The following CDH2 variants were observed in gnomAD, a reference collection of about 807,000 sequenced individuals.
CDH2 encodes cadherin 2.
CDH2 carries 17 observed loss-of-function variants against 92.0 expected under a neutral mutation model. The observed-to-expected ratio is 0.18, with a 90% CI of 0.13 to 0.28. CDH2 has a LOEUF of 0.28. CDH2 is among the 10% of genes least tolerant of loss of function. CDH2 has a pLI of 1.00. For missense variants in CDH2, 862 were observed against 1,133.1 expected, an observed-to-expected ratio of 0.76 and a Z score of 3.44; for synonymous variants, 419 against 415.9, an observed-to-expected ratio of 1.01 and a Z score of -0.09.
At chr18:28,175,670 C>T (rs1259274926) in intron 1 of CDH2, among the ~76,000 whole-genome samples, 1 of 152,314 alleles carries the variant, frequency 6.6e-6, no homozygotes, top group East Asian at 1.9e-4. Context: ...CCGTGAAGAC[C>T]ACGGAGCGGG....
chr18:27,957,417 T>G (rs980031525), intron 15 of CDH2, among the ~76,000 whole-genome samples: 2 of 96,026 alleles, frequency 2.1e-5, no homozygotes. Context: ...GCTCGGCTAA[T>G]TTTTGTTTTT....
intron 2 of CDH2, among the ~76,000 whole-genome samples, chr18:28,099,500 G>C (rs563059607): frequency 1.3e-5 from 2 of 152,032 alleles, no homozygotes; most frequent in African/African-American, 2.4e-5. Context: ...CTAACCAGTT[G>C]CAAGACTTCA....
intron 1 of CDH2, chr18:28,159,136 G>A (rs561351376): frequency 2.0e-5 from 3 of 152,320 alleles, no homozygotes; most frequent in Admixed American, 2.0e-4. Flanking sequence ...AAAGAGGGAT[G>A]GACCAAACTT....
intron 2 of CDH2, among the ~76,000 whole-genome samples, chr18:28,018,427 T>C (rs753299175): frequency 5.3e-5 from 8 of 152,042 alleles, no homozygotes; most frequent in Non-Finnish European, 1.0e-4. Context: ...AGAGCCTACA[T>C]AGCCAAAGCA....
chr18:27,988,802 G>GA (rs890870833), intron 10 of CDH2, 136 bp from the exon 11 acceptor site: 8 of 659,470 alleles, frequency 1.2e-5, no homozygotes, highest in Non-Finnish European at 1.6e-5. Flanking sequence ...GCTTTAACAG[G>GA]AAAAAGTATT....
intron 14 of CDH2, among the ~76,000 whole-genome samples, chr18:27,969,964 C>T (rs529481909): frequency 2.5e-4 from 38 of 152,268 alleles, no homozygotes; most frequent in African/African-American, 8.9e-4. Flanking sequence ...CGTGCCATTG[C>T]ACTCCAGCCT....
intron 2 of CDH2, among the ~76,000 whole-genome samples, chr18:28,026,615 C>T (rs899781435): frequency 6.6e-6 from 1 of 152,132 alleles, no homozygotes; most frequent in African/African-American, 2.4e-5. Context: ...CAAGGAGCTA[C>T]CTGCTGATGG....
At chr18:27,994,949 C>T (rs1214568599) in intron 7 of CDH2, among the ~76,000 whole-genome samples, 1 of 152,070 alleles carries the variant, frequency 6.6e-6, no homozygotes, top group Non-Finnish European at 1.5e-5. Context: ...AAAACACACA[C>T]GCAGTAAGAA....
chr18:28,003,305 T>A, intron 6 of CDH2, 136 bp from the exon 7 acceptor site: 1 of 609,570 alleles, frequency 1.6e-6, no homozygotes, highest in East Asian at 2.8e-5. Context: ...TAGACTTGAT[T>A]AAAAATGCTA....
intron 1 of CDH2, among the ~76,000 whole-genome samples, chr18:28,156,416 G>A (rs550394634): frequency 1.2e-4 from 18 of 151,654 alleles, no homozygotes; most frequent in Non-Finnish European, 1.2e-4. Context: ...ACCTTCCCAG[G>A]TACAGAATGT....
intron 2 of CDH2, among the ~76,000 whole-genome samples, chr18:28,134,370 C>G (rs535727601): frequency 8.0e-4 from 121 of 152,038 alleles, no homozygotes; most frequent in African/African-American, 2.7e-3. Context: ...GCCTTTCCCC[C>G]ACAAAAAAGA....
At chr18:28,149,603 A>C (rs1259438142) in intron 1 of CDH2, among the ~76,000 whole-genome samples, 1 of 152,204 alleles carries the variant, frequency 6.6e-6, no homozygotes, top group Non-Finnish European at 1.5e-5. Context: ...TATAAAATTT[A>C]AACACAAAAG....
intron 2 of CDH2, among the ~76,000 whole-genome samples, chr18:28,071,247 T>C (rs944421616): frequency 2.0e-5 from 3 of 152,106 alleles, no homozygotes; most frequent in Non-Finnish European, 4.4e-5. Context: ...TCTCTCTTTT[T>C]CCCCTTCTTT....
rs376778823 is a variant in CDH2, at chr18:28,166,628, AAAGC to A, written c.60+10331_60+10334del. Among the ~76,000 whole-genome samples, 444 of 152,280 alleles carry A rather than the reference AAAGC, an allele frequency of 2.9e-3. 4 individuals are homozygous for A. Among genetic ancestry groups the A allele is most frequent in the African/African-American group, 0.01 (425 of 41,572 alleles). On this transcript the variant is annotated intron_variant, in intron 1 of 15. Coordinates refer to ENST00000269141, the MANE Select transcript of CDH2 (RefSeq NM_001792.5). ...GGCAGCAAAACAATGTGTAGAGGCA[AAAGC>A]AAGTGAAATACAAATTATCTATCAA...
At chr18:28,046,424 A>ATATAG (rs937415070) in intron 2 of CDH2, among the ~76,000 whole-genome samples, 1 of 152,242 alleles carries the variant, frequency 6.6e-6, no homozygotes, top group African/African-American at 2.4e-5. Context: ...TATAATAAAA[A>ATATAG]CTTGAGAATA....
chr18:28,103,922 A>AT (rs1014487388), intron 2 of CDH2, among the ~76,000 whole-genome samples: 10 of 152,028 alleles, frequency 6.6e-5, no homozygotes, highest in East Asian at 1.9e-4. Context: ...AATACTATTA[A>AT]TTTTTTTTGG....
chr18:28,084,969 T>G (rs1400572762), intron 2 of CDH2, among the ~76,000 whole-genome samples: 1 of 152,126 alleles, frequency 6.6e-6, no homozygotes, highest in Non-Finnish European at 1.5e-5. Flanking sequence ...CCTGAAAAGA[T>G]GAAGGCCACC....
At chr18:28,009,096 G>A (rs945676223) in intron 5 of CDH2, among the ~76,000 whole-genome samples, 13 of 152,060 alleles carry the variant, frequency 8.5e-5, no homozygotes, top group Non-Finnish European at 1.9e-4. Context: ...CCTGGAGTAG[G>A]GAAGGCCTTT....
Position 28,066,489 on chromosome 18 carries a change from C to A in CDH2, c.173-52580G>T, listed in dbSNP as rs1300668657. Among the ~76,000 whole-genome samples, 3 of 152,200 alleles carry A rather than the reference C, an allele frequency of 2.0e-5. 1 individual carries two copies. The highest frequency in any genetic ancestry group is 3.9e-4 in the East Asian group (2 of 5,164). ...ATAGGAATGCATGGAATTGTATTGA[C>A]AACCCCCTTCTCCAAATAGACCCCT... On this transcript the variant is annotated intron_variant, in intron 2 of 15. Coordinates refer to ENST00000269141, the MANE Select transcript of CDH2 (RefSeq NM_001792.5).
Sources: allele counts gnomAD v4.1 joint callset (sites outside exome capture counted in the v4.1 genomes callset), GRCh38; gene constraint gnomAD v4.1.1; transcripts MANE v1.5; gene names NCBI Gene and HGNC (gene_info 2026-07-23, HGNC 2026-07-21).